SH3D19: variants seen among roughly 807,000 people sequenced by gnomAD.
SH3D19 encodes SH3 domain containing 19, also known as SH3 domain-containing protein 19.
In SH3D19, 58 loss-of-function variants were observed where a neutral mutation model predicts 112.1. That is an observed-to-expected ratio of 0.52 (90% CI 0.42 to 0.64). The LOEUF (loss-of-function observed/expected upper bound fraction) is 0.64, where lower values mean the gene tolerates loss of function less well. Among genes scored for constraint, SH3D19 ranks in the 30% least tolerant of loss-of-function variants. The pLI is 0.00. For synonymous variants in SH3D19, 391 were observed against 448.5 expected, an observed-to-expected ratio of 0.87 and a Z score of 1.62; for missense variants, 1,090 against 1,263.4, an observed-to-expected ratio of 0.86 and a Z score of 2.08.
intron 2 of SH3D19, among the ~76,000 whole-genome samples, chr4:151,193,763 G>A (rs1017743407): frequency 6.6e-6 from 1 of 152,110 alleles, no homozygotes; most frequent in African/African-American, 2.4e-5. Flanking sequence ...TATGAGCTCA[G>A]AATCTAACCC....
chr4:151,220,045 G>A (rs550266373), intron 2 of SH3D19, among the ~76,000 whole-genome samples: 61 of 152,090 alleles, frequency 4.0e-4, no homozygotes, highest in Admixed American at 7.9e-4. Context: ...TCATTGATCC[G>A]TAATGCTGCC....
At chr4:151,171,632 T>C (rs1027483105) in intron 7 of SH3D19, among the ~76,000 whole-genome samples, 1 of 152,204 alleles carries the variant, frequency 6.6e-6, no homozygotes, top group Non-Finnish European at 1.5e-5. Flanking sequence ...AAAACACTGA[T>C]GATGAAGTAG....
At chr4:151,250,583 G>A (rs1378188385) in intron 1 of SH3D19, among the ~76,000 whole-genome samples, 2 of 151,964 alleles carry the variant, frequency 1.3e-5, no homozygotes, top group African/African-American at 2.4e-5. Context: ...GAGACAATAA[G>A]GAAGAAAACT....
intron 15 of SH3D19, among the ~76,000 whole-genome samples, chr4:151,133,452 G>A (rs563394725): frequency 1.7e-4 from 26 of 152,266 alleles, no homozygotes; most frequent in African/African-American, 5.5e-4. Flanking sequence ...TCAAGGTCGC[G>A]GAGTGCACGC....
intron 1 of SH3D19, among the ~76,000 whole-genome samples, chr4:151,241,317 G>C (rs1038894476): frequency 1.3e-5 from 2 of 151,612 alleles, no homozygotes; most frequent in Non-Finnish European, 2.9e-5. Flanking sequence ...AAATAAATAA[G>C]TAAGCAAGCA....
At chr4:151,191,863 T>G (rs556357421) in intron 2 of SH3D19, among the ~76,000 whole-genome samples, 1 of 152,038 alleles carries the variant, frequency 6.6e-6, no homozygotes, top group South Asian at 2.1e-4. Context: ...GCCAGGATGG[T>G]CTTGATCTCC....
intron 1 of SH3D19, among the ~76,000 whole-genome samples, chr4:151,296,750 T>C (rs1023044116): frequency 6.6e-6 from 1 of 152,224 alleles, no homozygotes; most frequent in Non-Finnish European, 1.5e-5. Context: ...TAAGGTGAGA[T>C]TTTAACAAAT....
At chr4:151,291,255 T>C in intron 1 of SH3D19, 1 of 1,614,026 alleles carries the variant, frequency 6.2e-7, no homozygotes, top group Non-Finnish European at 8.5e-7. Flanking sequence ...AATGGATTAA[T>C]GCCACTATTT....
intron 2 of SH3D19, among the ~76,000 whole-genome samples, chr4:151,194,564 G>A (rs532949681): frequency 6.6e-6 from 1 of 151,668 alleles, no homozygotes; most frequent in East Asian, 2.0e-4. Flanking sequence ...ACAGGTGCCC[G>A]CCACAACGCC....
intron 1 of SH3D19, among the ~76,000 whole-genome samples, chr4:151,316,050 A>C (rs1036229861): frequency 1.3e-5 from 2 of 152,148 alleles, no homozygotes; most frequent in African/African-American, 4.8e-5. Flanking sequence ...GTAACTTTCA[A>C]GCAGAGAAAC....
At position 151,128,357 on chromosome 4, in the gene SH3D19, C is replaced by T; in HGVS notation, c.2743-1G>A. On this transcript the variant is annotated splice_acceptor_variant, in intron 17 of 19. Coordinates refer to ENST00000604030, the MANE Select transcript of SH3D19 (RefSeq NM_001378122.1). LOFTEE classifies it high-confidence loss of function. ...ACCATTCTGCCGGAAGACTGTTAAC[C>T]TGTTATCAAATTAGAGGTGTGGTCA... 6.2e-7 allele frequency: 1 copy of T among 1,611,828 alleles called. No individual in the cohort carries two copies. Among genetic ancestry groups the T allele is most frequent in the Non-Finnish European group, 8.5e-7 (1 of 1,178,836 alleles).
At chr4:151,139,133 A>G (rs1422391591) in intron 13 of SH3D19, among the ~76,000 whole-genome samples, 1 of 151,628 alleles carries the variant, frequency 6.6e-6, no homozygotes, top group East Asian at 1.9e-4. Flanking sequence ...CCATATTACA[A>G]TTGTTAATTA....
intron 1 of SH3D19, among the ~76,000 whole-genome samples, chr4:151,251,557 T>C (rs1771405108): frequency 6.6e-6 from 1 of 152,202 alleles, no homozygotes; most frequent in Non-Finnish European, 1.5e-5. Context: ...AATTTTCTAC[T>C]CCATCAGGAT....
chr4:151,254,971 C>T (rs1365202524), intron 1 of SH3D19, among the ~76,000 whole-genome samples: 35 of 150,752 alleles, frequency 2.3e-4, no homozygotes, highest in Admixed American at 2.0e-3. Context: ...ACCTCCCTCC[C>T]GGATGGGGCG....
At chr4:151,123,033 G>A (rs1748370644) in intron 19 of SH3D19, among the ~76,000 whole-genome samples, 1 of 152,010 alleles carries the variant, frequency 6.6e-6, no homozygotes, top group Non-Finnish European at 1.5e-5. Flanking sequence ...TGTATTTTTA[G>A]TAGAGACAGG....
At position 151,315,962 on chromosome 4, in the gene SH3D19, A is replaced by T. The variant is rs529235811; in HGVS notation, c.112+9279T>A. ...AGAGAGGAAAAAGGCTTAACTTTTTAAAAAAATTTCTTTTGAAGGACTACT... is the reference window on the plus strand; with the variant it reads ...AGAGAGGAAAAAGGCTTAACTTTTTTAAAAAATTTCTTTTGAAGGACTACT... On this transcript the variant is annotated intron_variant, in intron 1 of 19. Coordinates refer to ENST00000604030, the MANE Select transcript of SH3D19 (RefSeq NM_001378122.1). 1.9e-3 allele frequency among the ~76,000 whole-genome samples: 290 copies of T among 152,252 alleles called. 1 individual carries two copies. The highest frequency in any genetic ancestry group is 0.017 in the Middle Eastern group (5 of 294).
intron 1 of SH3D19, among the ~76,000 whole-genome samples, chr4:151,251,766 G>C (rs2149978276): frequency 1.3e-5 from 2 of 152,244 alleles, no homozygotes; most frequent in African/African-American, 4.8e-5. Context: ...TTGCTGAGCA[G>C]CACTGGTGAA....
intron 1 of SH3D19, among the ~76,000 whole-genome samples, chr4:151,236,276 G>C (rs1390569202): frequency 2.0e-5 from 3 of 152,268 alleles, no homozygotes; most frequent in Non-Finnish European, 4.4e-5. Flanking sequence ...GGGGCTTGCG[G>C]GCTGGCGGGG....
intron 1 of SH3D19, among the ~76,000 whole-genome samples, chr4:151,253,619 T>C (rs1443692004): frequency 1.3e-5 from 2 of 152,046 alleles, no homozygotes; most frequent in East Asian, 3.9e-4. Context: ...CAGGTGCCTG[T>C]AGTCTCAGCT....
Sources: gnomAD v4.1 joint callset for allele counts (sites outside exome capture counted in the v4.1 genomes callset) on GRCh38, gnomAD v4.1.1 for gene constraint, MANE v1.5 for transcripts, NCBI Gene and HGNC (gene_info 2026-07-23, HGNC 2026-07-21) for gene names.